Variants in ZSWIM6 observed in about 807,000 individuals in gnomAD.
The protein encoded by ZSWIM6 is zinc finger SWIM domain-containing protein 6.
A neutral mutation model predicts 113.2 loss-of-function variants in ZSWIM6; 9 were observed. That is an observed-to-expected ratio of 0.08 (90% CI 0.05 to 0.14). ZSWIM6 has a LOEUF of 0.14. Among genes scored for constraint, ZSWIM6 ranks in the 10% least tolerant of loss-of-function variants. The pLI is 1.00. For missense variants in ZSWIM6, 1,162 were observed against 1,552.2 expected (o/e 0.75, Z 4.22); for synonymous variants, 611 against 606.5 (o/e 1.01, Z -0.11).
intron 1 of ZSWIM6, among the ~76,000 whole-genome samples, chr5:61,438,839 A>G (rs1746765778): frequency 1.3e-5 from 2 of 152,206 alleles, no homozygotes; most frequent in Non-Finnish European, 2.9e-5. Flanking sequence ...TCCAACTCCA[A>G]GAACAGCAGG....
At chr5:61,445,831 T>C (rs1746939014) in intron 1 of ZSWIM6, among the ~76,000 whole-genome samples, 1 of 152,182 alleles carries the variant, frequency 6.6e-6, no homozygotes, top group Admixed American at 6.5e-5. Context: ...AAAAATACTT[T>C]ACCTTGGGGG....
At chr5:61,516,463 C>CTA (rs899895134) in intron 4 of ZSWIM6, among the ~76,000 whole-genome samples, 1,787 of 140,532 alleles carry the variant, frequency 0.013, 31 homozygotes, top group African/African-American at 0.039. Context: ...TATATAAAAA[C>CTA]TATATATATA....
chr5:61,466,974 A>C (rs988269030), intron 1 of ZSWIM6, among the ~76,000 whole-genome samples: 5 of 152,158 alleles, frequency 3.3e-5, no homozygotes, highest in African/African-American at 1.2e-4. Flanking sequence ...AGATGATTTG[A>C]ATATGTGTTC....
chr5:61,534,633 G>A (rs1749526749), intron 9 of ZSWIM6, among the ~76,000 whole-genome samples: 2 of 152,112 alleles, frequency 1.3e-5, no homozygotes, highest in South Asian at 4.2e-4. Context: ...GAGTACCTTA[G>A]TGCAAAGTGG....
At chr5:61,504,731 G>A (rs911932269) in intron 4 of ZSWIM6, among the ~76,000 whole-genome samples, 1 of 152,058 alleles carries the variant, frequency 6.6e-6, no homozygotes. Flanking sequence ...GTCCTAAATT[G>A]GTTCTTCATG....
chr5:61,348,025 T>C (rs1458069981), intron 1 of ZSWIM6, among the ~76,000 whole-genome samples: 7 of 152,084 alleles, frequency 4.6e-5, no homozygotes. Flanking sequence ...ATTGAGACCA[T>C]CCTGGCTAAC....
chr5:61,342,903 A>C (rs1470744268), intron 1 of ZSWIM6, among the ~76,000 whole-genome samples: 1 of 152,196 alleles, frequency 6.6e-6, no homozygotes, highest in Non-Finnish European at 1.5e-5. Flanking sequence ...TACATTAAAA[A>C]AAAATGTCTT....
In ZSWIM6 at chr5:61,389,554, C is replaced by CAAAAAAAAAAA. The variant is rs60533774; in HGVS notation, c.676+56619_676+56629dup. Among the ~76,000 whole-genome samples the CAAAAAAAAAAA allele has an allele frequency of 3.9e-5, 2 of 50,988 alleles. 1 individual carries two copies. The highest frequency in any genetic ancestry group is 7.8e-5 in the Non-Finnish European group (2 of 25,722). The allele number at this position is 50,988 out of a possible 152,430, so 33.5% of individuals were successfully genotyped here. A position where few individuals can be genotyped will look rare whatever the true frequency, so the allele number is the denominator to read the frequency against. On this transcript the variant is annotated intron_variant, in intron 1 of 13. Transcript: ENST00000252744. ...CAGGCGACAGTGCAAGACTCAGTCT[C>CAAAAAAAAAAA]AAAAAAAAAAAAAAAAAAAAAAAGA...
At chr5:61,439,812 C>G (rs1746787253) in intron 1 of ZSWIM6, among the ~76,000 whole-genome samples, 1 of 151,988 alleles carries the variant, frequency 6.6e-6, no homozygotes, top group Non-Finnish European at 1.5e-5. Context: ...AAGTGATTTT[C>G]CAATTTAAAA....
chr5:61,396,841 A>C (rs1745847040), intron 1 of ZSWIM6, among the ~76,000 whole-genome samples: 1 of 152,234 alleles, frequency 6.6e-6, no homozygotes, highest in Non-Finnish European at 1.5e-5. Context: ...AGGGGAGTTA[A>C]ATGAATTATC....
chr5:61,537,435 G>A (rs937774079), intron 10 of ZSWIM6, among the ~76,000 whole-genome samples: 2 of 152,104 alleles, frequency 1.3e-5, no homozygotes, highest in African/African-American at 2.4e-5. Context: ...TAGTCCTTCT[G>A]GAAGAGGAAG....
At chr5:61,340,156 C>A (rs1485031474) in intron 1 of ZSWIM6, among the ~76,000 whole-genome samples, 1 of 151,830 alleles carries the variant, frequency 6.6e-6, no homozygotes, top group Non-Finnish European at 1.5e-5. Flanking sequence ...TTTTTTTCAT[C>A]TAGAAAAGAT....
chr5:61,375,096 C>T (rs1561212821), intron 1 of ZSWIM6: 19 of 1,605,108 alleles, frequency 1.2e-5, no homozygotes, highest in South Asian at 2.2e-5. Flanking sequence ...TGCTACTGTG[C>T]GCGCGATCCA....
At chr5:61,495,516 C>T (rs1748290156) in intron 4 of ZSWIM6, among the ~76,000 whole-genome samples, 1 of 152,058 alleles carries the variant, frequency 6.6e-6, no homozygotes, top group African/African-American at 2.4e-5. Context: ...GACTTTTTCC[C>T]TGGCAATTTT....
chr5:61,445,129 C>T (rs1168467140), intron 1 of ZSWIM6, among the ~76,000 whole-genome samples: 1 of 152,176 alleles, frequency 6.6e-6, no homozygotes, highest in East Asian at 1.9e-4. Flanking sequence ...TGTCTAATTG[C>T]TGGCATTCTA....
At position 61,543,887 on chromosome 5, in the gene ZSWIM6, T is replaced by C; in HGVS notation, c.3218T>C (p.Leu1073Ser). 6.4e-7 allele frequency: 1 copy of C among 1,551,988 alleles called. No individual in the cohort carries two copies. Among genetic ancestry groups the C allele is most frequent in the Non-Finnish European group, 8.7e-7 (1 of 1,147,058 alleles). ...QDTHPAINDV[L>S]WACALSHSLG... ...ACACACCCTGCCATTAATGATGTTT[T>C]GTGGGCCTGTGCGCTTAGCCACTCC... The change falls in exon 14 of 14, where the codon TTG (leucine) becomes TCG (serine). Residue 1073 changes from leucine (L) to serine (S), a missense_variant. Physicochemically the swap from Leu to Ser is moderately radical, Grantham distance 145. Coordinates refer to ENST00000252744, the MANE Select transcript of ZSWIM6 (RefSeq NM_020928.2). The surrounding 1 kb of genome is among the most constrained non-coding windows in gnomAD (Gnocchi z 4.3).
intron 1 of ZSWIM6, chr5:61,375,198 A>G: frequency 6.2e-7 from 1 of 1,613,512 alleles, no homozygotes. Flanking sequence ...CAGGGCCAAC[A>G]ATACAGGATT....
At position 61,500,058 on chromosome 5, in the gene ZSWIM6, G is replaced by A. The variant is rs548817218; in HGVS notation, c.1333+5648G>A. ...CAGGAATTTAATCCCAGGTGTCAGTGACTTCAAAAACATAACCACCAGTCT... is the reference window on the plus strand; with the variant it reads ...CAGGAATTTAATCCCAGGTGTCAGTAACTTCAAAAACATAACCACCAGTCT... On this transcript the variant is annotated intron_variant, in intron 4 of 13. Coordinates refer to ENST00000252744, the MANE Select transcript of ZSWIM6 (RefSeq NM_020928.2). 4.0e-5 allele frequency among the ~76,000 whole-genome samples: 6 copies of A among 151,404 alleles called. No homozygotes were observed. In the South Asian group the frequency reaches 1.3e-3, roughly 32 times the overall value.
Position 61,335,874 on chromosome 5 carries a change from T to C in ZSWIM6, c.676+2926T>C, listed in dbSNP as rs181371164. 2.6e-5 allele frequency among the ~76,000 whole-genome samples: 4 copies of C among 152,376 alleles called. No homozygotes were observed. In the East Asian group the frequency reaches 5.8e-4, roughly 22 times the overall value. On this transcript the variant is annotated intron_variant, in intron 1 of 13. Transcript: ENST00000252744. ...AAGGGAAAAAAATAAACCTTTGTTATAGTAGTTGTAAGCAATATTTAATTG... is the reference window on the plus strand; with the variant it reads ...AAGGGAAAAAAATAAACCTTTGTTACAGTAGTTGTAAGCAATATTTAATTG...
Sources: gnomAD v4.1 joint callset for allele counts (sites outside exome capture counted in the v4.1 genomes callset) on GRCh38, gnomAD v4.1.1 for gene constraint, Gnocchi (gnomAD v3.1) non-coding constraint, MANE v1.5 for transcripts, NCBI Gene and HGNC (gene_info 2026-07-23, HGNC 2026-07-21) for gene names.